Variants in MCOLN2 observed in about 807,000 individuals in gnomAD.
The protein encoded by MCOLN2 is mucolipin-2.
MCOLN2 carries 57 observed loss-of-function variants against 67.5 expected under a neutral mutation model. The observed-to-expected ratio is 0.84, with a 90% confidence interval of 0.68 to 1.05. The LOEUF (loss-of-function observed/expected upper bound fraction) is 1.05. Among genes scored for constraint, MCOLN2 ranks in the 50% least tolerant of loss-of-function variants. The pLI is 0.00. For missense variants in MCOLN2, 620 were observed against 678.8 expected (o/e 0.91, Z 0.96); for synonymous variants, 246 against 233.3 (o/e 1.05, Z -0.50).
intron 1 of MCOLN2, among the ~76,000 whole-genome samples, chr1:84,968,726 C>T (rs571375166): frequency 6.6e-6 from 1 of 152,326 alleles, no homozygotes; most frequent in South Asian, 2.1e-4. Flanking sequence ...CTTTAACCTG[C>T]TCCTTCTTGT....
rs2389791 is a variant in MCOLN2 at position 84,926,216 on chromosome 1, A to G, written c.*469T>C. The G allele has an allele frequency of 1, 151,995 of 152,614 alleles. 75,690 individuals are homozygous for G. Among genetic ancestry groups the G allele is most frequent in the East Asian group, 1 (5,192 of 5,192 alleles). The allele number at this position is 152,614 out of a possible 1,614,324, so 9.5% of individuals were successfully genotyped here. A position where few individuals can be genotyped will look rare whatever the true frequency, so the allele number is the denominator to read the frequency against. ...TGATCTTTAAACAGCTTAATAGTTCACCAGCTTGGACTCTCTAGATTGGTA... is the reference window on the plus strand; with the variant it reads ...TGATCTTTAAACAGCTTAATAGTTCGCCAGCTTGGACTCTCTAGATTGGTA... On this transcript the variant is annotated 3_prime_UTR_variant, in exon 14 of 14. Coordinates refer to ENST00000370608, the MANE Select transcript of MCOLN2 (RefSeq NM_153259.4).
At chr1:84,958,201 C>G (rs181635918) in intron 3 of MCOLN2, among the ~76,000 whole-genome samples, 170 of 152,264 alleles carry the variant, frequency 1.1e-3, no homozygotes, top group Non-Finnish European at 1.9e-3. Flanking sequence ...GTCACTACGC[C>G]AGGCTGGAAT....
At chr1:84,956,280 C>T (rs1215937196) in intron 4 of MCOLN2, 151 bp downstream of exon 4, 7 of 667,426 alleles carry the variant, frequency 1.0e-5, no homozygotes, top group African/African-American at 9.4e-5. Context: ...TGAGCCAAAG[C>T]CCCTCTGCAG....
At chr1:84,952,556 G>T in intron 4 of MCOLN2, 26 bp from the exon 5 acceptor site, 1 of 1,462,754 alleles carries the variant, frequency 6.8e-7, no homozygotes, top group Non-Finnish European at 9.6e-7. Context: ...AACAAGAAAT[G>T]GTTGTTTCAG....
At chr1:84,930,692 A>G (rs1158749040) in intron 12 of MCOLN2, among the ~76,000 whole-genome samples, 2 of 152,168 alleles carry the variant, frequency 1.3e-5, no homozygotes, top group Admixed American at 1.3e-4. Flanking sequence ...GAAAGTGGTT[A>G]AGCAGAAAAC....
intron 1 of MCOLN2, among the ~76,000 whole-genome samples, chr1:84,969,606 A>G (rs1183436752): frequency 6.6e-6 from 1 of 151,468 alleles, no homozygotes; most frequent in Non-Finnish European, 1.5e-5. Context: ...AAAAGCAATC[A>G]CCACAATGAG....
At chr1:84,929,775 C>T (rs983950052) in intron 12 of MCOLN2, 96 bp from the exon 13 acceptor site, 5 of 1,219,610 alleles carry the variant, frequency 4.1e-6, no homozygotes, top group East Asian at 4.9e-5. Context: ...AAATAAAACT[C>T]TCCCACATTG....
chr1:84,944,078 C>T (rs1333805416), intron 7 of MCOLN2, among the ~76,000 whole-genome samples: 3 of 152,034 alleles, frequency 2.0e-5, no homozygotes, highest in Admixed American at 2.0e-4. Context: ...AAAACTAGAA[C>T]ACAAATCTCT....
In MCOLN2 at chr1:84,950,978, T is replaced by C. The variant is rs966454650; in HGVS notation, c.747+1265A>G. ...ATTTTTAAACCCACACTTCCGACCA[T>C]ATCATGACAAAGTCATCAATGACCT... On this transcript the variant is annotated intron_variant, in intron 6 of 13. Coordinates refer to ENST00000370608, the MANE Select transcript of MCOLN2 (RefSeq NM_153259.4). Among the ~76,000 whole-genome samples the C allele has an allele frequency of 2.6e-5, 4 of 152,224 alleles. No individual in the cohort carries two copies. The South Asian group carries it at 6.2e-4, about 24-fold the overall frequency.
chr1:84,934,883 AG>A (rs1365936964), intron 11 of MCOLN2, among the ~76,000 whole-genome samples: 1 of 152,190 alleles, frequency 6.6e-6, no homozygotes, highest in African/African-American at 2.4e-5. Flanking sequence ...CTTTCCATTG[AG>A]CCCCTGAAAT....
intron 2 of MCOLN2, among the ~76,000 whole-genome samples, chr1:84,960,801 G>A (rs1246439104): frequency 1.3e-5 from 2 of 152,082 alleles, no homozygotes; most frequent in African/African-American, 2.4e-5. Context: ...TGAAAAAACT[G>A]GTACACACAC....
intron 11 of MCOLN2, among the ~76,000 whole-genome samples, chr1:84,932,740 T>C (rs934534464): frequency 3.3e-5 from 5 of 152,188 alleles, no homozygotes; most frequent in African/African-American, 7.2e-5. Flanking sequence ...TCTGTTCCTA[T>C]CACATGTTTC....
chr1:84,949,428 G>C (rs1036527658), intron 6 of MCOLN2, among the ~76,000 whole-genome samples: 11 of 152,206 alleles, frequency 7.2e-5, no homozygotes, highest in Non-Finnish European at 2.9e-5. Context: ...CACGAGGTCA[G>C]GAGATCAAGA....
intron 12 of MCOLN2, 81 bp downstream of exon 12, chr1:84,931,281 G>T: frequency 1.1e-6 from 1 of 910,678 alleles, no homozygotes; most frequent in Non-Finnish European, 1.7e-6. Flanking sequence ...AATATTTTAA[G>T]TTTTTAAAAT....
In MCOLN2 at chr1:84,956,481, G is replaced by A; in HGVS notation, c.515C>T (p.Thr172Ile). The A allele has an allele frequency of 6.2e-7, 1 of 1,611,212 alleles. No homozygotes were observed. The highest frequency in any genetic ancestry group is 8.5e-7 in the Non-Finnish European group (1 of 1,179,066). The stretch of plus-strand genomic sequence containing the variant: ...CAGTGTCTCATTAGAAGGAAACATG[G>A]TCCCTTTCTTGTAATGCTGCTTACA... Reference protein sequence around the residue: ...KVCKQHYKKGTMFPSNETLNI... With the variant: ...KVCKQHYKKGIMFPSNETLNI... Residue 172 changes from threonine to isoleucine, a missense_variant, in exon 4 of 14, where the codon ACC becomes ATC. By Grantham distance (89) the Thr-to-Ile change is moderately conservative (BLOSUM62 -1). Coordinates refer to ENST00000370608, the MANE Select transcript of MCOLN2 (RefSeq NM_153259.4).
chr1:84,995,827 T>A (rs1176002518), intron 1 of MCOLN2, among the ~76,000 whole-genome samples: 1 of 151,846 alleles, frequency 6.6e-6, no homozygotes, highest in Non-Finnish European at 1.5e-5. Flanking sequence ...ACTTTTGATA[T>A]GTTCCTCCTT....
chr1:84,965,726 T>C lies in MCOLN2; in HGVS notation c.78-18A>G. On this transcript the variant is annotated intron_variant, in intron 1 of 13. Coordinates refer to ENST00000370608, the MANE Select transcript of MCOLN2 (RefSeq NM_153259.4). The stretch of plus-strand genomic sequence containing the variant: ...TTGCATTTCTGCCACAGAAGATTAA[T>C]TTTAAATATCCAGGAAAGCCTCTCC... 1 of 1,607,708 alleles carries C rather than the reference T, an allele frequency of 6.2e-7. No individual in the cohort carries two copies. Among genetic ancestry groups the C allele is most frequent in the South Asian group, 1.1e-5 (1 of 89,550 alleles).
intron 1 of MCOLN2, among the ~76,000 whole-genome samples, chr1:84,992,846 G>A (rs1030942348): frequency 6.6e-6 from 1 of 151,878 alleles, no homozygotes; most frequent in Non-Finnish European, 1.5e-5. Context: ...GCTGGTGGAG[G>A]GTCTTGCCTC....
At chr1:84,977,468 C>T (rs1054890982) in intron 1 of MCOLN2, among the ~76,000 whole-genome samples, 1 of 150,956 alleles carries the variant, frequency 6.6e-6, no homozygotes, top group Non-Finnish European at 1.5e-5. Context: ...GAAAAAAAAA[C>T]CCACTGATCT....
Sources: gnomAD v4.1 joint callset for allele counts (sites outside exome capture counted in the v4.1 genomes callset) on GRCh38, gnomAD v4.1.1 for gene constraint, MANE v1.5 for transcripts, NCBI Gene and HGNC (gene_info 2026-07-23, HGNC 2026-07-21) for gene names.